Variants in TMEM17 observed in about 807,000 individuals in gnomAD.
The protein encoded by TMEM17 is transmembrane protein 17.
A neutral mutation model predicts 19.1 loss-of-function variants in TMEM17; 15 were observed. The observed-to-expected ratio is 0.78, with a 90% CI of 0.52 to 1.21. The LOEUF is 1.21. Among genes scored for constraint, TMEM17 ranks in the 50% most tolerant of loss-of-function variants. The pLI, the probability that TMEM17 is intolerant of heterozygous loss-of-function variation, is 0.00. For missense variants in TMEM17, 245 were observed against 242.3 expected (o/e 1.01, Z -0.07); for synonymous variants, 103 against 86.9 (o/e 1.19, Z -1.03).
the TMEM17 span, among the ~76,000 whole-genome samples, chr2:62,474,830 A>T: frequency 3.3e-5 from 5 of 152,104 alleles, no homozygotes; most frequent in Non-Finnish European, 5.9e-5. Flanking sequence ...CTGTTTCCTC[A>T]TCTCGTTCCT....
intron 1 of TMEM17, among the ~76,000 whole-genome samples, chr2:62,503,623 AT>A (rs1385486111): frequency 1.3e-5 from 2 of 152,226 alleles, no homozygotes; most frequent in African/African-American, 4.8e-5. Flanking sequence ...AATATAAATT[AT>A]TTCATCCTAG....
the TMEM17 span, among the ~76,000 whole-genome samples, chr2:62,494,310 A>C: frequency 6.6e-6 from 1 of 152,202 alleles, no homozygotes; most frequent in Non-Finnish European, 1.5e-5. Context: ...TTCTTTAGCA[A>C]GGGCTTATTG....
the TMEM17 span, among the ~76,000 whole-genome samples, chr2:62,491,720 TAAGATAG>T: frequency 6.6e-6 from 1 of 152,110 alleles, no homozygotes; most frequent in Non-Finnish European, 1.5e-5. Context: ...GAGGAGTAAA[TAAGATAG>T]CACATGAAAG....
the TMEM17 span, among the ~76,000 whole-genome samples, chr2:62,484,973 T>A: frequency 3.3e-5 from 5 of 152,232 alleles, no homozygotes; most frequent in African/African-American, 9.6e-5. Context: ...GGGTTTCACC[T>A]GTCACCCAGG....
chr2:62,467,599 C>A, the TMEM17 span, among the ~76,000 whole-genome samples: 1 of 152,224 alleles, frequency 6.6e-6, no homozygotes, highest in Non-Finnish European at 1.5e-5. Flanking sequence ...TCTGCTTAGT[C>A]TCATTGAAAG....
chr2:62,487,573 C>A, the TMEM17 span, among the ~76,000 whole-genome samples: 1 of 152,164 alleles, frequency 6.6e-6, no homozygotes, highest in African/African-American at 2.4e-5. Flanking sequence ...CCTCATTTGA[C>A]CCTAAAAATG....
chr2:62,460,845 T>A, the TMEM17 span, among the ~76,000 whole-genome samples: 2 of 152,208 alleles, frequency 1.3e-5, no homozygotes, highest in Non-Finnish European at 2.9e-5. Context: ...GATGAACACC[T>A]GCTGTGTGCC....
At chr2:62,467,193 T>C in the TMEM17 span, among the ~76,000 whole-genome samples, 2 of 151,868 alleles carry the variant, frequency 1.3e-5, no homozygotes, top group Non-Finnish European at 2.9e-5. Flanking sequence ...TTGCAGCATT[T>C]CCCCCCGCCC....
At chr2:62,454,997 G>T in the TMEM17 span, among the ~76,000 whole-genome samples, 5 of 152,172 alleles carry the variant, frequency 3.3e-5, no homozygotes, top group African/African-American at 7.2e-5. Context: ...GAGCCACTGT[G>T]CCCAGCCGAG....
At chr2:62,490,859 C>T in the TMEM17 span, among the ~76,000 whole-genome samples, 1 of 152,008 alleles carries the variant, frequency 6.6e-6, no homozygotes, top group Admixed American at 6.6e-5. Context: ...GGCGGATCAC[C>T]TGAGGCCAGG....
rs1250911479 is a variant in TMEM17 at position 62,505,904 on chromosome 2, C to T, written c.100+126G>A. The T allele has an allele frequency of 5.1e-6, 5 of 970,874 alleles. No homozygotes were observed. In the African/African-American group the frequency reaches 6.8e-5, roughly 13 times the overall value. The allele number at this position is 970,874 out of a possible 1,614,324, so 60.1% of individuals were successfully genotyped here. On this transcript the variant is annotated intron_variant, in intron 1 of 3. Coordinates refer to ENST00000335390, the MANE Select transcript of TMEM17 (RefSeq NM_198276.3). ...CCGGCCCCTCCTCCAAGGCGCTCTC[C>T]CGCACTGCGGAGAACTGGCTGAAGG...
intron 1 of TMEM17, among the ~76,000 whole-genome samples, 171 bp downstream of exon 1, chr2:62,505,859 G>T (rs1036120131): frequency 6.6e-6 from 1 of 152,220 alleles, no homozygotes; most frequent in Non-Finnish European, 1.5e-5. Context: ...GGCCGCCAGC[G>T]CCTCAGCTCC....
At chr2:62,454,948 G>A in the TMEM17 span, among the ~76,000 whole-genome samples, 1 of 152,130 alleles carries the variant, frequency 6.6e-6, no homozygotes. Flanking sequence ...CTAGTGATTT[G>A]CCCGCCTTGG....
At chr2:62,479,492 G>A in the TMEM17 span, among the ~76,000 whole-genome samples, 1 of 152,162 alleles carries the variant, frequency 6.6e-6, no homozygotes, top group East Asian at 1.9e-4. Context: ...CACCTAGGTT[G>A]ATTCCATATC....
At chr2:62,461,361 G>C in the TMEM17 span, among the ~76,000 whole-genome samples, 1 of 152,168 alleles carries the variant, frequency 6.6e-6, no homozygotes, top group East Asian at 1.9e-4. Context: ...CGCAGGCTCT[G>C]CACCTCCAGT....
At chr2:62,502,993 G>A (rs1447179610) in intron 1 of TMEM17, among the ~76,000 whole-genome samples, 199 bp from the exon 2 acceptor site, 1 of 151,998 alleles carries the variant, frequency 6.6e-6, no homozygotes, top group Admixed American at 6.5e-5. Flanking sequence ...TTGGGGGTAC[G>A]TTTCATATTT....
chr2:62,493,842 A>C, the TMEM17 span, among the ~76,000 whole-genome samples: 2 of 152,184 alleles, frequency 1.3e-5, no homozygotes, highest in Non-Finnish European at 2.9e-5. Context: ...AAGACTGATA[A>C]CTTCCGACGC....
chr2:62,460,195 C>T, the TMEM17 span, among the ~76,000 whole-genome samples: 1 of 152,190 alleles, frequency 6.6e-6, no homozygotes, highest in Non-Finnish European at 1.5e-5. Context: ...CTGCTGTGAC[C>T]TTATTTAATC....
At chr2:62,476,932 T>C in the TMEM17 span, among the ~76,000 whole-genome samples, 2 of 152,034 alleles carry the variant, frequency 1.3e-5, no homozygotes, top group South Asian at 4.2e-4. Context: ...CCCTGGAGAG[T>C]TGAGCCCCAG....
Sources: gnomAD v4.1 joint callset for allele counts (sites outside exome capture counted in the v4.1 genomes callset) on GRCh38, gnomAD v4.1.1 for gene constraint, MANE v1.5 for transcripts, NCBI Gene and HGNC (gene_info 2026-07-23, HGNC 2026-07-21) for gene names.